XPO1: variants seen among roughly 807,000 people sequenced by gnomAD.
XPO1 encodes the protein exportin-1.
Under a neutral mutation model 133.3 loss-of-function variants are expected in XPO1, and 5 were observed. That is an observed-to-expected ratio of 0.04 (90% CI 0.02 to 0.08). The LOEUF is 0.08. Ranked by LOEUF, XPO1 falls within the 10% of genes least tolerant of loss-of-function variation. The pLI, the probability that XPO1 is intolerant of heterozygous loss-of-function variation, is 1.00. For synonymous variants in XPO1, 419 were observed against 408.2 expected (o/e 1.03, Z -0.32); for missense variants, 506 against 1,267.5 (o/e 0.40, Z 9.12).
chr2:61,481,589 G>A (rs1558625481), intron 23 of XPO1, among the ~76,000 whole-genome samples: 1 of 152,110 alleles, frequency 6.6e-6, no homozygotes, highest in Admixed American at 6.6e-5. Flanking sequence ...TGGGATTACA[G>A]GCATGCACCA....
rs1157169796 is a variant in XPO1, at chr2:61,493,071, T to A, written c.1246-18A>T. On this transcript the variant is annotated intron_variant, in intron 12 of 24. Coordinates refer to ENST00000401558, the MANE Select transcript of XPO1 (RefSeq NM_003400.4). ...AAACGGACCTATACTCAACAATATA[T>A]CAATCAAGAAAAAAATCGTTAGATC... 1.3e-6 allele frequency: 2 copies of A among 1,550,190 alleles called. No homozygotes were observed. The highest frequency in any genetic ancestry group is 1.7e-6 in the Non-Finnish European group (2 of 1,159,070).
chr2:61,478,612 C>A lies in XPO1; in HGVS notation c.*208G>T. 2.0e-6 allele frequency: 1 copy of A among 512,050 alleles called. No individual in the cohort carries two copies. Among genetic ancestry groups the A allele is most frequent in the Non-Finnish European group, 3.2e-6 (1 of 314,748 alleles). 31.7% of individuals were successfully genotyped at this position (512,050 alleles called of 1,614,324 possible). On this transcript the variant is annotated 3_prime_UTR_variant, in exon 25 of 25. Coordinates refer to ENST00000401558, the MANE Select transcript of XPO1 (RefSeq NM_003400.4). ...AAATGCCTTAATTTTCAACTTCATG[C>A]AAACTAAATAAAGATGACCAAAACA...
chr2:61,533,421 CAT>C (rs763801713), intron 2 of XPO1, among the ~76,000 whole-genome samples: 1 of 152,136 alleles, frequency 6.6e-6, no homozygotes, highest in Non-Finnish European at 1.5e-5. Flanking sequence ...TTTAAACAAA[CAT>C]ATCTGTGAAG....
Position 61,495,527 on chromosome 2 carries a change from A to T in XPO1, c.975T>A (p.Phe325Leu). 1.3e-6 allele frequency: 2 copies of T among 1,597,770 alleles called. No homozygotes were observed. The highest frequency in any genetic ancestry group is 1.7e-6 in the Non-Finnish European group (2 of 1,169,306). The change falls in exon 11 of 25, where the codon TTT (phenylalanine) becomes TTA (leucine). Residue 325 changes from phenylalanine to leucine, a missense_variant. Physicochemically the swap from Phe to Leu is conservative, Grantham distance 22 (BLOSUM62 0). Transcript: ENST00000401558. ...EQNFIQNLSL[F>L]LCTFLKEHDQ... is the part of the protein sequence containing the mutation. ...CATGTTCCTTAAGAAAGGTGCAGAG[A>T]AACAAACTGAGATTTTGAATGAAGT...
chr2:61,493,654 T>G (rs943635891), intron 12 of XPO1: 18 of 423,858 alleles, frequency 4.2e-5, no homozygotes, highest in East Asian at 1.3e-4. Context: ...GATTGGCAGG[T>G]GGCCAATGAA....
At chr2:61,507,059 G>A (rs564465970) in intron 4 of XPO1, among the ~76,000 whole-genome samples, 2 of 151,518 alleles carry the variant, frequency 1.3e-5, no homozygotes, top group Non-Finnish European at 2.9e-5. Flanking sequence ...GTGAAACCTC[G>A]TCTCTACTAA....
At chr2:61,534,569 G>C (rs1699283502) in intron 1 of XPO1, 1 of 152,262 alleles carries the variant, frequency 6.6e-6, no homozygotes, top group Non-Finnish European at 1.5e-5. Context: ...TGTAATCCCA[G>C]CTACTTGGGA....
intron 1 of XPO1, among the ~76,000 whole-genome samples, chr2:61,535,283 A>G (rs574630827): frequency 1.3e-3 from 199 of 152,354 alleles, no homozygotes; most frequent in Non-Finnish European, 2.1e-3. Flanking sequence ...TGAGGAACCA[A>G]TAGCTCTAAC....
intron 17 of XPO1, among the ~76,000 whole-genome samples, chr2:61,489,583 C>T (rs1271423544): frequency 8.7e-5 from 13 of 149,262 alleles, no homozygotes; most frequent in African/African-American, 3.2e-4. Flanking sequence ...GGGACGGAGT[C>T]TCGTTCTGTT....
chr2:61,523,012 G>A (rs1698763744), intron 3 of XPO1, among the ~76,000 whole-genome samples: 1 of 152,190 alleles, frequency 6.6e-6, no homozygotes, highest in East Asian at 1.9e-4. Context: ...TGAATTCACA[G>A]CATAAATGAC....
At chr2:61,506,618 C>A (rs1479975363) in intron 4 of XPO1, among the ~76,000 whole-genome samples, 9 of 89,724 alleles carry the variant, frequency 1.0e-4, no homozygotes, top group Non-Finnish European at 1.2e-4. Flanking sequence ...AAAAAAAATC[C>A]AATGTTAAAC....
At chr2:61,532,016 C>CATTT (rs1421596224) in intron 2 of XPO1, among the ~76,000 whole-genome samples, 1 of 152,182 alleles carries the variant, frequency 6.6e-6, no homozygotes, top group African/African-American at 2.4e-5. Context: ...GGAATGGAAA[C>CATTT]ATTTATACAT....
chr2:61,524,368 C>T (rs780637436), intron 3 of XPO1, among the ~76,000 whole-genome samples: 11 of 151,976 alleles, frequency 7.2e-5, no homozygotes, highest in Non-Finnish European at 1.3e-4. Flanking sequence ...TTACTTCTTC[C>T]TATTTGATAC....
At chr2:61,482,614 T>C in intron 22 of XPO1, 75 bp from the exon 23 acceptor site, 5 of 845,930 alleles carry the variant, frequency 5.9e-6, no homozygotes, top group East Asian at 4.6e-5. Flanking sequence ...TTTGTTTTGT[T>C]TTTTTTTTTT....
At chr2:61,515,069 T>TTA (rs1553412376) in intron 4 of XPO1, among the ~76,000 whole-genome samples, 11 of 127,394 alleles carry the variant, frequency 8.6e-5, no homozygotes, top group Non-Finnish European at 1.3e-4. Context: ...GTGACTGTCT[T>TTA]AAAAAAAAAA....
At position 61,487,947 on chromosome 2, in the gene XPO1, A is replaced by G. The variant is rs576333537; in HGVS notation, c.2313+218T>C. ...CCAATTTTCTTAGCTATCTTGTTACATATCACCACCCTTCGCTACTGATTA... is the reference window on the plus strand; with the variant it reads ...CCAATTTTCTTAGCTATCTTGTTACGTATCACCACCCTTCGCTACTGATTA... On this transcript the variant is annotated intron_variant, in intron 19 of 24. Transcript: ENST00000401558. Among the ~76,000 whole-genome samples, 4 of 152,324 alleles carry G rather than the reference A, an allele frequency of 2.6e-5. 1 individual carries two copies. In the East Asian group the frequency reaches 7.7e-4, roughly 29 times the overall value.
chr2:61,505,043 G>A (rs1697728048), intron 4 of XPO1, among the ~76,000 whole-genome samples: 1 of 152,192 alleles, frequency 6.6e-6, no homozygotes, highest in East Asian at 1.9e-4. Flanking sequence ...CAGGGTCTTG[G>A]TCTGTTGCCC....
chr2:61,513,586 A>T (rs1007157570), intron 4 of XPO1, among the ~76,000 whole-genome samples: 1 of 150,934 alleles, frequency 6.6e-6, no homozygotes, highest in Non-Finnish European at 1.5e-5. Flanking sequence ...CGGCCTCCCA[A>T]ATTGCTGGAA....
chr2:61,533,694 TA>T, intron 2 of XPO1, 77 bp downstream of exon 2: 1 of 1,330,492 alleles, frequency 7.5e-7, no homozygotes, highest in East Asian at 2.7e-5. Flanking sequence ...TTAAAGGTGA[TA>T]ATTTAAAATT....
Sources: allele counts gnomAD v4.1 joint callset (sites outside exome capture counted in the v4.1 genomes callset), GRCh38; gene constraint gnomAD v4.1.1; transcripts MANE v1.5; gene names NCBI Gene and HGNC (gene_info 2026-07-23, HGNC 2026-07-21).